SEC24C: variants seen among roughly 807,000 people sequenced by gnomAD.
SEC24C encodes the protein SEC24 homolog C, COPII component.
A neutral mutation model predicts 117.0 loss-of-function variants in SEC24C; 22 were observed. The observed-to-expected ratio is 0.19, with a 90% CI of 0.13 to 0.27. The LOEUF is 0.27. Among genes scored for constraint, SEC24C ranks in the 10% least tolerant of loss-of-function variants. SEC24C has a pLI of 1.00. For missense variants in SEC24C, 1,155 were observed against 1,375.1 expected (o/e 0.84, Z 2.53); for synonymous variants, 506 against 529.4 (o/e 0.96, Z 0.61).
intron 14 of SEC24C, 29 bp from the exon 15 acceptor site, chr10:73,767,808 T>C (rs755069473): frequency 1.9e-6 from 3 of 1,556,524 alleles, no homozygotes; most frequent in Non-Finnish European, 2.6e-6. Context: ...ATTTGAACAT[T>C]TTCTTCTCCC....
chr10:73,749,955 C>T (rs915005983), intron 2 of SEC24C, among the ~76,000 whole-genome samples: 3 of 152,230 alleles, frequency 2.0e-5, no homozygotes, highest in African/African-American at 7.2e-5. Flanking sequence ...TTAGGGTATG[C>T]CAAACTCTAT....
rs1220717839 is a variant in SEC24C at position 73,751,240 on chromosome 10, A to T, written c.305A>T (p.Gln102Leu). ...GGGCCAAGCTCCACTGTTCAGATGCAAAGGTAGGTACTTGGTCAATCTAAA... is the reference window on the plus strand; with the variant it reads ...GGGCCAAGCTCCACTGTTCAGATGCTAAGGTAGGTACTTGGTCAATCTAAA... ...QNGPSSTVQM[Q>L]RLPGSQPFGS... The change falls in exon 3 of 23, where the codon CAA becomes CTA. Residue 102 changes from glutamine (Q) to leucine (L), a missense_variant. Around this residue, in one of 2 missense-constraint regions of SEC24C, gnomAD observed 396 missense variants for 382.8 expected, o/e 1.03. Coordinates refer to ENST00000345254, the MANE Select transcript of SEC24C (RefSeq NM_198597.3). 8 of 1,613,444 alleles carry T rather than the reference A, an allele frequency of 5.0e-6. No homozygotes were observed. The highest frequency in any genetic ancestry group is 6.8e-6 in the Non-Finnish European group (8 of 1,179,590).
At chr10:73,759,890 C>G in intron 4 of SEC24C, 96 bp downstream of exon 4, 1 of 1,485,420 alleles carries the variant, frequency 6.7e-7, no homozygotes. Flanking sequence ...CCTTGTATTT[C>G]CTGTGCCTCT....
At chr10:73,757,606 G>T (rs1468133783) in intron 3 of SEC24C, among the ~76,000 whole-genome samples, 3 of 151,738 alleles carry the variant, frequency 2.0e-5, no homozygotes, top group Non-Finnish European at 4.4e-5. Context: ...CCTCAGTCCG[G>T]GCTGGAAGGG....
chr10:73,751,190 G>A lies in SEC24C; in HGVS notation c.255G>A (p.Gln85=), dbSNP rs752420118. The part of the protein sequence containing the change: ...QAPCGQAAYG[Q]FGQGDVQNGP... ...CTTGTGGCCAGGCTGCATATGGCCA[G>A]TTTGGCCAAGGAGATGTACAGAATG... is the stretch of plus-strand genomic sequence containing the variant. Residue 85 remains glutamine, a synonymous_variant, in exon 3 of 23, where the codon CAG becomes CAA. Coordinates refer to ENST00000345254, the MANE Select transcript of SEC24C (RefSeq NM_198597.3). 6 of 1,614,092 alleles carry A rather than the reference G, an allele frequency of 3.7e-6. No individual in the cohort carries two copies. The African/African-American group carries it at 8.0e-5, about 22-fold the overall frequency.
At chr10:73,759,911 A>G in intron 4 of SEC24C, 107 bp from the exon 5 acceptor site, 1 of 1,488,506 alleles carries the variant, frequency 6.7e-7, no homozygotes, top group Non-Finnish European at 9.0e-7. Context: ...GAGCCTCAGA[A>G]GATGGGACAG....
chr10:73,766,333 A>C lies in SEC24C; in HGVS notation c.1608-17A>C. On this transcript the variant is annotated splice_polypyrimidine_tract_variant and intron_variant, in intron 11 of 22. Coordinates refer to ENST00000345254, the MANE Select transcript of SEC24C (RefSeq NM_198597.3). Reference sequence around the variant, plus strand: ...GGAAAAGGTGGCAAGTCTAGGTAACAATGTCACCTTCTACAGGGAGGGTGG... The same window carrying C: ...GGAAAAGGTGGCAAGTCTAGGTAACCATGTCACCTTCTACAGGGAGGGTGG... The C allele has an allele frequency of 1.3e-6, 2 of 1,591,052 alleles. No individual in the cohort carries two copies. Among genetic ancestry groups the C allele is most frequent in the Non-Finnish European group, 8.6e-7 (1 of 1,166,216 alleles).
chr10:73,767,883 A>G lies in SEC24C; in HGVS notation c.2057A>G (p.Glu686Gly). 6.2e-7 allele frequency: 1 copy of G among 1,613,412 alleles called. No individual in the cohort carries two copies. Among genetic ancestry groups the G allele is most frequent in the Non-Finnish European group, 8.5e-7 (1 of 1,179,682 alleles). Residue 686 changes from glutamate (E) to glycine (G), a missense_variant, in exon 15 of 23, where the codon GAG (glutamate) becomes GGG (glycine). Glu to Gly is a moderately conservative substitution (Grantham distance 98). Transcript: ENST00000345254. ...QTGAYQTLAK[E>G]CVAQGCCVDL... ...GGTGCCTATCAGACCCTGGCCAAAG[A>G]GTGTGTGGCCCAAGGCTGCTGTGTA...
chr10:73,753,950 CATT>C lies in SEC24C; in HGVS notation c.308+2710_308+2712del, dbSNP rs1237506808. On this transcript the variant is annotated intron_variant, in intron 3 of 22. Coordinates refer to ENST00000345254, the MANE Select transcript of SEC24C (RefSeq NM_198597.3). ...CACAAATTCATAAACTTCCTTAAAA[CATT>C]ATGAGGTTTTTTTTTTTAAGTTCAT... Among the ~76,000 whole-genome samples, 16 of 152,144 alleles carry C rather than the reference CATT, an allele frequency of 1.1e-4. No individual in the cohort carries two copies. In the East Asian group the frequency reaches 2.1e-3, roughly 20 times the overall value.
Position 73,771,441 on chromosome 10 carries a change from G to GGA in SEC24C, c.*350_*351dup. On this transcript the variant is annotated 3_prime_UTR_variant, in exon 23 of 23. Coordinates refer to ENST00000345254, the MANE Select transcript of SEC24C (RefSeq NM_198597.3). Reference sequence around the variant, plus strand: ...GTCCCTTTGGACCAGTCTCCCAAGAGGAGAGGGGCAGGCAGGAAAGAGTGG... The same window carrying GGA: ...GTCCCTTTGGACCAGTCTCCCAAGAGGAGAGAGGGGCAGGCAGGAAAGAGTGG... The GGA allele has an allele frequency of 4.3e-6, 1 of 233,226 alleles. No homozygotes were observed. The highest frequency in any genetic ancestry group is 6.5e-5 in the South Asian group (1 of 15,366). 14.4% of individuals were successfully genotyped at this position (233,226 alleles called of 1,614,324 possible). A position where few individuals can be genotyped will look rare whatever the true frequency, so the allele number is the denominator to read the frequency against.
chr10:73,759,962 C>A, intron 4 of SEC24C, 56 bp from the exon 5 acceptor site: 1 of 1,517,972 alleles, frequency 6.6e-7, no homozygotes, highest in Non-Finnish European at 8.8e-7. Context: ...AGTGATATAC[C>A]GAACAAGGAG....
At position 73,766,537 on chromosome 10, in the gene SEC24C, A is replaced by C. The variant is rs779884868; in HGVS notation, c.1795A>C (p.Thr599Pro). ...CGTCAATGAGTCTCGGGCAGTTATCACCAGGTAAGAGCCAGATTGTGGAGG... is the reference window on the plus strand; with the variant it reads ...CGTCAATGAGTCTCGGGCAGTTATCCCCAGGTAAGAGCCAGATTGTGGAGG... ...VNVNESRAVITSLLDQIPEMF... is the reference protein window; with the variant it reads ...VNVNESRAVIPSLLDQIPEMF... The change falls in exon 12 of 23, where the codon ACC becomes CCC. Residue 599 changes from threonine (T) to proline (P), a missense_variant. By Grantham distance (38) the Thr-to-Pro change is conservative (BLOSUM62 -1). Coordinates refer to ENST00000345254, the MANE Select transcript of SEC24C (RefSeq NM_198597.3). 3.4e-5 allele frequency: 55 copies of C among 1,606,132 alleles called. No homozygotes were observed. The highest frequency in any genetic ancestry group is 4.6e-5 in the Non-Finnish European group (54 of 1,178,050).
At chr10:73,768,707 T>G in intron 15 of SEC24C, 103 bp from the exon 16 acceptor site, 2 of 986,698 alleles carry the variant, frequency 2.0e-6, no homozygotes, top group Non-Finnish European at 3.2e-6. Flanking sequence ...GTTATGATGA[T>G]GATAATTAGG....
At chr10:73,745,433 T>G (rs1360445781) in intron 1 of SEC24C, among the ~76,000 whole-genome samples, 1 of 151,844 alleles carries the variant, frequency 6.6e-6, no homozygotes, top group Non-Finnish European at 1.5e-5. Context: ...CCATGAAATC[T>G]AACTCTAACT....
In SEC24C at chr10:73,760,133, C is replaced by T; in HGVS notation, c.597C>T (p.Ile199=). The T allele has an allele frequency of 6.2e-7, 1 of 1,614,176 alleles. No homozygotes were observed. Among genetic ancestry groups the T allele is most frequent in the Non-Finnish European group, 8.5e-7 (1 of 1,180,022 alleles). ...GCCAGGCCCAAGGTCATCCTGGGAT[C>T]CAGACTCCCCAGCGATCTGCCCCAT... ...PLSQAQGHPG[I]QTPQRSAPSQ... is the part of the protein sequence containing the mutation. Residue 199 remains isoleucine, a synonymous_variant, in exon 5 of 23, where the codon ATC becomes ATT. Coordinates refer to ENST00000345254, the MANE Select transcript of SEC24C (RefSeq NM_198597.3).
rs746146200 is a variant in SEC24C at position 73,769,526 on chromosome 10, G to T, written c.2563+41G>T. On this transcript the variant is annotated intron_variant, in intron 18 of 22. Transcript: ENST00000345254. The surrounding 1 kb of genome is among the most constrained non-coding windows in gnomAD (Gnocchi z 4.5). Reference sequence around the variant, plus strand: ...GGGCAGGGTGGGATTGGGGCTGAGAGGTCCAGGATGGTGAGTGGGTAGTTG... The same window carrying T: ...GGGCAGGGTGGGATTGGGGCTGAGATGTCCAGGATGGTGAGTGGGTAGTTG... 1.2e-6 allele frequency: 2 copies of T among 1,613,646 alleles called. No homozygotes were observed. Among genetic ancestry groups the T allele is most frequent in the Non-Finnish European group, 1.7e-6 (2 of 1,179,712 alleles).
In SEC24C at chr10:73,760,851, T is replaced by C; in HGVS notation, c.987+2T>C. The C allele has an allele frequency of 1.2e-6, 2 of 1,606,872 alleles. No homozygotes were observed. The highest frequency in any genetic ancestry group is 1.7e-6 in the Non-Finnish European group (2 of 1,177,386). On this transcript the variant is annotated splice_donor_variant, in intron 6 of 22. Coordinates refer to ENST00000345254, the MANE Select transcript of SEC24C (RefSeq NM_198597.3). LOFTEE classifies it high-confidence loss of function. ...GACCCTGATGCCATCCCAAGCCCTG[T>C]AAGTAGAAACTTTCATGGTCCTGAG...
In SEC24C at chr10:73,763,870, C is replaced by G. The variant is rs748105465; in HGVS notation, c.1114C>G (p.Arg372Gly). The change falls in exon 8 of 23, where the codon CGA (arginine) becomes GGA (glycine). Residue 372 changes from arginine to glycine, a missense_variant. Arg to Gly is a moderately radical substitution (Grantham distance 125, BLOSUM62 -2). Coordinates refer to ENST00000345254, the MANE Select transcript of SEC24C (RefSeq NM_198597.3). Reference sequence around the variant, plus strand: ...TCCTTCTTCAGGGAATGCAAGTCCCCGATACATCCGATGTACATCCTATAA... The same window carrying G: ...TCCTTCTTCAGGGAATGCAAGTCCCGGATACATCCGATGTACATCCTATAA... Reference protein sequence around the residue: ...LVKDQGNASPRYIRCTSYNIP... With the variant: ...LVKDQGNASPGYIRCTSYNIP... 1 of 1,613,238 alleles carries G rather than the reference C, an allele frequency of 6.2e-7. No homozygotes were observed. The highest frequency in any genetic ancestry group is 8.5e-7 in the Non-Finnish European group (1 of 1,179,724).
At chr10:73,745,488 T>G (rs1589504933) in intron 1 of SEC24C, among the ~76,000 whole-genome samples, 1 of 151,808 alleles carries the variant, frequency 6.6e-6, no homozygotes, top group Non-Finnish European at 1.5e-5. Flanking sequence ...TGTGAAGAAG[T>G]TTTGGTGCCT....
Sources: allele counts gnomAD v4.1 joint callset (sites outside exome capture counted in the v4.1 genomes callset), GRCh38; gene constraint gnomAD v4.1.1; regional missense constraint gnomAD v4.1.1; non-coding constraint Gnocchi (gnomAD v3.1); transcripts MANE v1.5; gene names NCBI Gene and HGNC (gene_info 2026-07-23, HGNC 2026-07-21).